The following LIMCH1 variants were observed in gnomAD, a reference collection of about 807,000 sequenced individuals.
LIMCH1 encodes LIM and calponin homology domains-containing protein 1.
A neutral mutation model predicts 176.5 loss-of-function variants in LIMCH1; 113 were observed. The observed-to-expected ratio is 0.64, with a 90% confidence interval of 0.55 to 0.75. The LOEUF (loss-of-function observed/expected upper bound fraction) is 0.75, where lower values mean the gene tolerates loss of function less well. LIMCH1 is among the 30% of genes least tolerant of loss of function. LIMCH1 has a pLI of 0.00. For missense variants in LIMCH1, 1,674 were observed against 1,814.9 expected (o/e 0.92, Z 1.41); for synonymous variants, 619 against 645.9 (o/e 0.96, Z 0.63).
intron 3 of LIMCH1, among the ~76,000 whole-genome samples, chr4:41,529,826 T>C (rs2077062965): frequency 6.6e-6 from 1 of 152,208 alleles, no homozygotes; most frequent in Admixed American, 6.5e-5. Context: ...TTACTTCATG[T>C]ATCACTTCTT....
intron 3 of LIMCH1, among the ~76,000 whole-genome samples, chr4:41,524,956 A>C (rs530460112): frequency 6.6e-6 from 1 of 152,346 alleles, no homozygotes; most frequent in East Asian, 1.9e-4. Flanking sequence ...TCCTGAAGAC[A>C]TACTGGGGCA....
intron 2 of LIMCH1, among the ~76,000 whole-genome samples, chr4:41,600,575 G>A (rs754858715): frequency 1.9e-4 from 29 of 152,116 alleles, no homozygotes; most frequent in Admixed American, 1.5e-3. Context: ...TTCAAATCTC[G>A]TATCACCTTT....
At chr4:41,390,768 G>A (rs2057141273) in intron 1 of LIMCH1, among the ~76,000 whole-genome samples, 1 of 152,042 alleles carries the variant, frequency 6.6e-6, no homozygotes, top group Admixed American at 6.6e-5. Context: ...GAAAATTAGG[G>A]CAAATATTAC....
intron 18 of LIMCH1, among the ~76,000 whole-genome samples, chr4:41,658,447 C>G (rs1181751609): frequency 2.0e-5 from 3 of 152,174 alleles, no homozygotes; most frequent in African/African-American, 7.2e-5. Context: ...AGCAGAAGTT[C>G]TCCAGCATAC....
At chr4:41,600,917 G>T (rs2089806736) in intron 2 of LIMCH1, among the ~76,000 whole-genome samples, 2 of 152,142 alleles carry the variant, frequency 1.3e-5, no homozygotes, top group African/African-American at 2.4e-5. Flanking sequence ...TTGTTTTCCT[G>T]TTGATTTTTC....
chr4:41,480,687 C>G (rs1234118179), intron 1 of LIMCH1, among the ~76,000 whole-genome samples: 2 of 152,198 alleles, frequency 1.3e-5, no homozygotes, highest in Non-Finnish European at 2.9e-5. Flanking sequence ...AAGCACATCT[C>G]TGCTCCTGGA....
intron 1 of LIMCH1, among the ~76,000 whole-genome samples, chr4:41,467,158 T>TATATATACACACACAC (rs1157542568): frequency 4.2e-5 from 6 of 143,468 alleles, no homozygotes; most frequent in African/African-American, 1.3e-4. Context: ...TATGTATATA[T>TATATATACACACACAC]ACACACACAC....
At chr4:41,414,755 G>A (rs905706699) in intron 1 of LIMCH1, among the ~76,000 whole-genome samples, 1 of 152,114 alleles carries the variant, frequency 6.6e-6, no homozygotes, top group Admixed American at 6.5e-5. Context: ...TATAATTTGT[G>A]CTTTAAAGCA....
chr4:41,630,736 A>G (rs1382063163), intron 9 of LIMCH1, among the ~76,000 whole-genome samples: 1 of 152,220 alleles, frequency 6.6e-6, no homozygotes, highest in Non-Finnish European at 1.5e-5. Flanking sequence ...CTTGGATACC[A>G]AAATTCTTAG....
At chr4:41,407,273 G>C (rs1261017168) in intron 1 of LIMCH1, among the ~76,000 whole-genome samples, 3 of 152,164 alleles carry the variant, frequency 2.0e-5, no homozygotes, top group African/African-American at 7.2e-5. Context: ...TTGTCACCCA[G>C]GCTGGAGTGC....
chr4:41,525,611 G>A (rs1317122582), intron 3 of LIMCH1, among the ~76,000 whole-genome samples: 3 of 151,954 alleles, frequency 2.0e-5, no homozygotes, highest in Admixed American at 6.6e-5. Flanking sequence ...GTGATTAGTC[G>A]TTAAAAATCT....
intron 1 of LIMCH1, among the ~76,000 whole-genome samples, chr4:41,370,666 T>C (rs952271404): frequency 6.6e-6 from 1 of 152,004 alleles, no homozygotes; most frequent in African/African-American, 2.4e-5. Context: ...GCTGTTAGAG[T>C]TGACAGAGTG....
intron 1 of LIMCH1, among the ~76,000 whole-genome samples, chr4:41,478,306 CT>C (rs1296340881): frequency 9.0e-6 from 1 of 111,148 alleles, no homozygotes; most frequent in African/African-American, 7.1e-5. Flanking sequence ...TCCTTCCCTC[CT>C]TCCTAAAATC....
chr4:41,662,221 C>T (rs1560279288), intron 19 of LIMCH1, among the ~76,000 whole-genome samples: 1 of 152,080 alleles, frequency 6.6e-6, no homozygotes, highest in Admixed American at 6.6e-5. Context: ...ATAGCATTTA[C>T]TTTTTCAAAC....
intron 3 of LIMCH1, among the ~76,000 whole-genome samples, chr4:41,529,184 A>G (rs147636495): frequency 5.9e-5 from 9 of 152,276 alleles, no homozygotes; most frequent in African/African-American, 2.2e-4. Flanking sequence ...TTGAAACTCA[A>G]TTTAGTGGTC....
At chr4:41,400,009 T>G (rs547639892) in intron 1 of LIMCH1, among the ~76,000 whole-genome samples, 9 of 151,462 alleles carry the variant, frequency 5.9e-5, no homozygotes, top group African/African-American at 1.9e-4. Flanking sequence ...CATTTCCATT[T>G]TTTTTTTTTT....
intron 1 of LIMCH1, among the ~76,000 whole-genome samples, chr4:41,408,394 T>TG (rs1436821084): frequency 6.6e-6 from 1 of 152,204 alleles, no homozygotes; most frequent in Non-Finnish European, 1.5e-5. Flanking sequence ...AAATATAACA[T>TG]GACTCCACTG....
At chr4:41,366,949 A>T (rs2053099321) in intron 1 of LIMCH1, among the ~76,000 whole-genome samples, 1 of 152,194 alleles carries the variant, frequency 6.6e-6, no homozygotes, top group African/African-American at 2.4e-5. Flanking sequence ...GGCCTCAAGA[A>T]ACTTATAATT....
At chr4:41,516,207 G>A (rs527874573) in intron 2 of LIMCH1, among the ~76,000 whole-genome samples, 1 of 152,266 alleles carries the variant, frequency 6.6e-6, no homozygotes, top group Admixed American at 6.5e-5. Flanking sequence ...TGATTACCAG[G>A]TGAAGGCATT....
Sources: gnomAD v4.1 joint callset for allele counts (sites outside exome capture counted in the v4.1 genomes callset) on GRCh38, gnomAD v4.1.1 for gene constraint, MANE v1.5 for transcripts, NCBI Gene and HGNC (gene_info 2026-07-23, HGNC 2026-07-21) for gene names.